The following GABRA3 variants were observed in gnomAD, a reference collection of about 807,000 sequenced individuals.
GABRA3 encodes gamma-aminobutyric acid type A receptor subunit alpha3.
Under a neutral mutation model 30.1 loss-of-function variants are expected in GABRA3, and 10 were observed. The observed-to-expected ratio is 0.33, with a 90% CI of 0.20 to 0.56. GABRA3 has a LOEUF of 0.56. Ranked by LOEUF, GABRA3 falls within the 20% of genes least tolerant of loss-of-function variation. The pLI is 0.89. For missense variants in GABRA3, 233 were observed against 392.0 expected, an observed-to-expected ratio of 0.59 and a Z score of 3.42; for synonymous variants, 151 against 146.8, an observed-to-expected ratio of 1.03 and a Z score of -0.21.
chrX:152,213,383 A>C (rs760009948), intron 6 of GABRA3, among the ~76,000 whole-genome samples: 1 of 111,430 alleles, frequency 9.0e-6, no homozygotes, highest in Non-Finnish European at 1.9e-5. Context: ...TAAACAAGTA[A>C]ATAAATAATA....
intron 1 of GABRA3, among the ~76,000 whole-genome samples, chrX:152,385,927 G>C (rs1929293044): frequency 9.1e-6 from 1 of 110,392 alleles, no homozygotes; most frequent in Non-Finnish European, 1.9e-5. Context: ...CTTTCTGAGG[G>C]CTCTGTTCTG....
At chrX:152,347,747 T>A (rs899805655) in intron 2 of GABRA3, among the ~76,000 whole-genome samples, 1 of 112,180 alleles carries the variant, frequency 8.9e-6, no homozygotes, top group African/African-American at 3.2e-5. Context: ...TGTTGATATC[T>A]TAGCATCATT....
intron 9 of GABRA3, chrX:152,187,265 G>A (rs1317112454): frequency 9.0e-6 from 1 of 111,709 alleles, no homozygotes; most frequent in Non-Finnish European, 1.9e-5. Flanking sequence ...GGGCTCGGAA[G>A]TGAAGTGAAA....
rs538865414 is a variant in GABRA3 at position 152,184,025 on chromosome X, T to G, written c.1143+5705A>C. The stretch of plus-strand genomic sequence containing the variant: ...TTTCTGCTCTACTTATAGACTGATT[T>G]CCTTTAATTTATTTTCCTACTTCTC... On this transcript the variant is annotated intron_variant, in intron 9 of 9. Coordinates refer to ENST00000370314, the MANE Select transcript of GABRA3 (RefSeq NM_000808.4). Among the ~76,000 whole-genome samples, 37 of 111,265 alleles carry G rather than the reference T, an allele frequency of 3.3e-4. 1 individual carries two copies. In the South Asian group the frequency reaches 0.013, roughly 39 times the overall value.
chrX:152,229,855 G>GGTCAAAAACAAAACCAGGAAGATGAA (rs1938033624), intron 5 of GABRA3, among the ~76,000 whole-genome samples: 2 of 110,774 alleles, frequency 1.8e-5, no homozygotes, highest in Non-Finnish European at 3.8e-5. Context: ...AGTTAAAGGA[G>GGTCAAAAACAAAACCAGGAAGATGAA]GTCAAAAACA....
intron 2 of GABRA3, among the ~76,000 whole-genome samples, chrX:152,360,821 C>A (rs1450068888): frequency 4.8e-5 from 5 of 103,882 alleles, no homozygotes; most frequent in Non-Finnish European, 9.8e-5. Flanking sequence ...ACCTGTAATA[C>A]CAACACTTTG....
chrX:152,298,844 G>T (rs1487012707), intron 3 of GABRA3, among the ~76,000 whole-genome samples: 1 of 112,095 alleles, frequency 8.9e-6, no homozygotes, highest in Non-Finnish European at 1.9e-5. Context: ...CCCACCAACA[G>T]TATAAAAGTG....
At chrX:152,439,731 T>A (rs1176152625) in intron 1 of GABRA3, among the ~76,000 whole-genome samples, 1 of 111,277 alleles carries the variant, frequency 9.0e-6, no homozygotes, top group Non-Finnish European at 1.9e-5. Context: ...AATGAATAAA[T>A]TACTCAGCAA....
At chrX:152,245,194 GA>G (rs770689241) in intron 5 of GABRA3, among the ~76,000 whole-genome samples, 1 of 110,690 alleles carries the variant, frequency 9.0e-6, no homozygotes, top group African/African-American at 3.3e-5. Context: ...AGGCCTTCTC[GA>G]AGTGGAACAA....
chrX:152,382,869 T>C (rs1210211391), intron 1 of GABRA3, among the ~76,000 whole-genome samples: 1 of 111,863 alleles, frequency 8.9e-6, no homozygotes, highest in Non-Finnish European at 1.9e-5. Flanking sequence ...TCCTGTTCCA[T>C]TGGTTGATGT....
chrX:152,374,771 G>A (rs1249829428), intron 1 of GABRA3, among the ~76,000 whole-genome samples: 1 of 111,421 alleles, frequency 9.0e-6, no homozygotes, highest in East Asian at 2.8e-4. Context: ...TATAGTTTTT[G>A]GTTTTACATT....
intron 1 of GABRA3, among the ~76,000 whole-genome samples, chrX:152,421,890 T>C (rs1019220214): frequency 1.8e-5 from 2 of 111,529 alleles, no homozygotes; most frequent in Non-Finnish European, 3.8e-5. Context: ...TTTAAATGTA[T>C]AACAGTAGTA....
chrX:152,341,545 CT>C (rs1201836478), intron 3 of GABRA3, among the ~76,000 whole-genome samples: 5,863 of 86,539 alleles, frequency 0.068, 195 homozygotes, highest in African/African-American at 0.14. Flanking sequence ...CATCTATTGA[CT>C]TTTTTTTTTT....
At chrX:152,440,836 G>T (rs1489864227) in intron 1 of GABRA3, among the ~76,000 whole-genome samples, 1 of 110,595 alleles carries the variant, frequency 9.0e-6, no homozygotes, top group Non-Finnish European at 1.9e-5. Flanking sequence ...ACACAGGGAG[G>T]GGAACATCAC....
At chrX:152,279,624 G>A (rs1490917997) in intron 4 of GABRA3, among the ~76,000 whole-genome samples, 1 of 111,354 alleles carries the variant, frequency 9.0e-6, no homozygotes, top group Non-Finnish European at 1.9e-5. Context: ...GAAATTTAAA[G>A]TAGTTTTTTC....
intron 7 of GABRA3, among the ~76,000 whole-genome samples, chrX:152,203,961 C>T (rs1301715715): frequency 8.9e-6 from 1 of 111,819 alleles, no homozygotes; most frequent in Non-Finnish European, 1.9e-5. Flanking sequence ...TTCTCCCTAC[C>T]GCAAGAACTG....
chrX:152,338,489 C>A (rs1357205610), intron 3 of GABRA3, among the ~76,000 whole-genome samples: 2 of 111,789 alleles, frequency 1.8e-5, no homozygotes, highest in Non-Finnish European at 3.8e-5. Context: ...GGTGTCTCTT[C>A]ACTTTATTGG....
intron 1 of GABRA3, chrX:152,394,510 A>G (rs776622519): frequency 7.8e-6 from 3 of 385,607 alleles, no homozygotes; most frequent in South Asian, 4.7e-5. Flanking sequence ...GATCTGCAAC[A>G]TGAGCTGATA....
chrX:152,406,527 C>G (rs1929940321), intron 1 of GABRA3, among the ~76,000 whole-genome samples: 1 of 103,610 alleles, frequency 9.7e-6, no homozygotes, highest in South Asian at 4.3e-4. Flanking sequence ...GTCAGTTCAG[C>G]AAGAGGATAT....
Sources: allele counts gnomAD v4.1 joint callset (sites outside exome capture counted in the v4.1 genomes callset), GRCh38; gene constraint gnomAD v4.1.1; transcripts MANE v1.5; gene names NCBI Gene and HGNC (gene_info 2026-07-23, HGNC 2026-07-21).